ATXN2: variants seen among roughly 807,000 people sequenced by gnomAD.
ATXN2 encodes the protein ataxin 2.
A neutral mutation model predicts 138.6 loss-of-function variants in ATXN2; 37 were observed. The observed-to-expected ratio is 0.27, with a 90% confidence interval of 0.21 to 0.35. ATXN2 has a LOEUF of 0.35. Among genes scored for constraint, ATXN2 ranks in the 10% least tolerant of loss-of-function variants. The probability of loss-of-function intolerance (pLI) is 1.00; values close to 1 mark genes in which losing one functional copy is unlikely to be tolerated. For synonymous variants in ATXN2, 549 were observed against 543.7 expected, an observed-to-expected ratio of 1.01 and a Z score of -0.13; for missense variants, 1,216 against 1,480.3, an observed-to-expected ratio of 0.82 and a Z score of 2.93.
At chr12:111,489,537 T>C (rs2135703352) in intron 14 of ATXN2, among the ~76,000 whole-genome samples, 1 of 149,902 alleles carries the variant, frequency 6.7e-6, no homozygotes, top group East Asian at 2.0e-4. Flanking sequence ...GGTGTGAACC[T>C]GGGAAGTGGA....
intron 1 of ATXN2, chr12:111,581,259 T>A: frequency 5.2e-6 from 2 of 383,422 alleles, no homozygotes; most frequent in South Asian, 3.6e-5. Flanking sequence ...TCTTCACCCG[T>A]AAATAGAATG....
chr12:111,489,505 C>A (rs764402862), intron 14 of ATXN2, among the ~76,000 whole-genome samples: 1 of 151,600 alleles, frequency 6.6e-6, no homozygotes, highest in Non-Finnish European at 1.5e-5. Flanking sequence ...CCCTGCTACT[C>A]GGGAGGCTGA....
upstream of ATXN2, chr12:111,599,589 G>A: frequency 9.0e-7 from 1 of 1,108,898 alleles, no homozygotes; most frequent in Non-Finnish European, 1.1e-6. Flanking sequence ...AGTCGGAGGG[G>A]TCAGACGGAA....
chr12:111,494,109 T>C (rs1878248889), intron 14 of ATXN2, among the ~76,000 whole-genome samples: 1 of 151,856 alleles, frequency 6.6e-6, no homozygotes, highest in Non-Finnish European at 1.5e-5. Context: ...TTTCTATTTT[T>C]AGTAGAGAGG....
At chr12:111,537,754 G>A (rs995348506) in intron 5 of ATXN2, among the ~76,000 whole-genome samples, 3 of 152,106 alleles carry the variant, frequency 2.0e-5, no homozygotes, top group African/African-American at 7.2e-5. Flanking sequence ...TCAGGGTGAT[G>A]AAAATGTAAA....
Position 111,453,189 on chromosome 12 carries a change from A to G in ATXN2, c.3440-349T>C. On this transcript the variant is annotated intron_variant, in intron 24 of 24. Coordinates refer to ENST00000673436, the MANE Select transcript of ATXN2 (RefSeq NM_001372574.1). This position sits in a 1 kb window ranked among gnomAD's most constrained non-coding sequence, Gnocchi z 5.4. The stretch of plus-strand genomic sequence containing the variant: ...AGTATCGCCATGGCAGCCATCAAGT[A>G]GTAGAGCACAATCACAGGGCGCTCT... 8.9e-7 allele frequency: 1 copy of G among 1,118,204 alleles called. No individual in the cohort carries two copies. Among genetic ancestry groups the G allele is most frequent in the South Asian group, 3.3e-5 (1 of 29,934 alleles). The allele number at this position is 1,118,204 out of a possible 1,614,324, so 69.3% of individuals were successfully genotyped here.
intron 14 of ATXN2, among the ~76,000 whole-genome samples, chr12:111,490,766 C>G (rs753100804): frequency 6.6e-6 from 1 of 152,096 alleles, no homozygotes; most frequent in Non-Finnish European, 1.5e-5. Context: ...GACATTCCCC[C>G]ACAATGCAGT....
At chr12:111,588,729 T>C (rs543360415) in intron 1 of ATXN2, among the ~76,000 whole-genome samples, 14 of 151,686 alleles carry the variant, frequency 9.2e-5, no homozygotes, top group Admixed American at 2.0e-4. Flanking sequence ...CGGTGGCTCA[T>C]GCCTATAATC....
Position 111,453,075 on chromosome 12 carries a change from T to C in ATXN2, c.3440-235A>G, listed in dbSNP as rs1396494443. On this transcript the variant is annotated intron_variant, in intron 24 of 24. Transcript: ENST00000673436. The surrounding 1 kb of genome is among the most constrained non-coding windows in gnomAD (Gnocchi z 5.4). ...ATAAAACTCCCAGAAGACTTGTTCA[T>C]GGGGTAGAAAAAAAGGCCTTAACAA... The C allele has an allele frequency of 7.8e-6, 10 of 1,288,044 alleles. No individual in the cohort carries two copies. In the African/African-American group the frequency reaches 1.5e-4, roughly 20 times the overall value. 79.8% of individuals were successfully genotyped at this position (1,288,044 alleles called of 1,614,324 possible).
chr12:111,501,945 G>A (rs773967274), intron 14 of ATXN2, among the ~76,000 whole-genome samples: 29 of 151,428 alleles, frequency 1.9e-4, no homozygotes, highest in African/African-American at 4.4e-4. Context: ...AGACTGGAGC[G>A]CAGTGGTGCA....
chr12:111,520,783 G>C, intron 7 of ATXN2, 99 bp downstream of exon 7: 1 of 655,440 alleles, frequency 1.5e-6, no homozygotes, highest in Non-Finnish European at 2.4e-6. Context: ...TCATGTAATT[G>C]TTTAACTTAA....
chr12:111,467,307 CTTTTTTTTTTT>C (rs61507608), intron 20 of ATXN2, among the ~76,000 whole-genome samples: 12 of 34,844 alleles, frequency 3.4e-4, no homozygotes, highest in East Asian at 1.4e-3. Flanking sequence ...CATGACTGGG[CTTTTTTTTTTT>C]TTTTTTTTTT....
chr12:111,560,911 C>G (rs1026366668), intron 1 of ATXN2, among the ~76,000 whole-genome samples: 1 of 152,106 alleles, frequency 6.6e-6, no homozygotes, highest in Admixed American at 6.6e-5. Context: ...CGAAAGAAAA[C>G]CATAATTAAT....
intron 10 of ATXN2, among the ~76,000 whole-genome samples, chr12:111,514,905 G>C (rs144527724): frequency 8.5e-4 from 130 of 152,304 alleles, no homozygotes; most frequent in East Asian, 8.3e-3. Context: ...ATTTCTGTGT[G>C]AAGTTAATAC....
intron 1 of ATXN2, among the ~76,000 whole-genome samples, chr12:111,561,988 T>C (rs1216694334): frequency 6.6e-6 from 1 of 151,826 alleles, no homozygotes; most frequent in Admixed American, 6.6e-5. Flanking sequence ...ATTTTTTGTA[T>C]TTTTAGTAGA....
At chr12:111,561,841 T>A (rs1323133356) in intron 1 of ATXN2, among the ~76,000 whole-genome samples, 1 of 151,872 alleles carries the variant, frequency 6.6e-6, no homozygotes, top group Non-Finnish European at 1.5e-5. Flanking sequence ...AGACAGAGTC[T>A]ACCTCTGTCG....
rs975981325 is a variant in ATXN2 at position 111,599,175 on chromosome 12, G to A, written c.-141C>T. On this transcript the variant is annotated 5_prime_UTR_variant, in exon 1 of 25. Coordinates refer to ENST00000673436, the MANE Select transcript of ATXN2 (RefSeq NM_001372574.1). ...GTTGGCGCGGCCGGAGGGGCGCCCG[G>A]GCTGGCGAGGGGGAGAAGGAGGACG... 2.1e-4 allele frequency: 248 copies of A among 1,205,042 alleles called. 1 individual carries two copies. The Middle Eastern group carries it at 5.9e-3, about 28-fold the overall frequency. The allele number at this position is 1,205,042 out of a possible 1,614,324, so 74.6% of individuals were successfully genotyped here. A position where few individuals can be genotyped will look rare whatever the true frequency, so the allele number is the denominator to read the frequency against.
chr12:111,559,777 CA>C (rs58659313), intron 1 of ATXN2, among the ~76,000 whole-genome samples: 13,347 of 76,100 alleles, frequency 0.18, 1,805 homozygotes, highest in African/African-American at 0.43. Context: ...TCTCAAAAAA[CA>C]AAAAAAAAAA....
intron 21 of ATXN2, among the ~76,000 whole-genome samples, chr12:111,460,978 A>G (rs143988123): frequency 7.2e-5 from 11 of 152,354 alleles, no homozygotes; most frequent in Non-Finnish European, 1.6e-4. Flanking sequence ...CTACCTAAAT[A>G]CCGGTAAACT....
Sources: gnomAD v4.1 joint callset for allele counts (sites outside exome capture counted in the v4.1 genomes callset) on GRCh38, gnomAD v4.1.1 for gene constraint, Gnocchi (gnomAD v3.1) non-coding constraint, MANE v1.5 for transcripts, NCBI Gene and HGNC (gene_info 2026-07-23, HGNC 2026-07-21) for gene names.